The following SCLY variants were observed in gnomAD, a reference collection of about 807,000 sequenced individuals.
SCLY encodes the protein selenocysteine lyase, also known as putative selenocysteine lyase.
Under a neutral mutation model 50.1 loss-of-function variants are expected in SCLY, and 38 were observed. That is an observed-to-expected ratio of 0.76 (90% CI 0.59 to 0.99). The LOEUF (loss-of-function observed/expected upper bound fraction) is 0.99. Among genes scored for constraint, SCLY ranks in the 50% least tolerant of loss-of-function variants. The pLI, the probability that SCLY is intolerant of heterozygous loss-of-function variation, is 0.00. For missense variants in SCLY, 600 were observed against 620.0 expected (o/e 0.97, Z 0.34); for synonymous variants, 243 against 249.4 (o/e 0.97, Z 0.24).
chr2:238,097,463 G>A (rs193003509), intron 11 of SCLY, among the ~76,000 whole-genome samples: 150 of 152,274 alleles, frequency 9.9e-4, no homozygotes, highest in Admixed American at 1.8e-3. Flanking sequence ...GGTCGGAGTG[G>A]ACGCAGGAGG....
chr2:238,097,899 C>A (rs1191214172), intron 11 of SCLY, among the ~76,000 whole-genome samples: 2 of 152,100 alleles, frequency 1.3e-5, no homozygotes, highest in Non-Finnish European at 2.9e-5. Context: ...GACCTCAGAC[C>A]CCTCAAGGAC....
chr2:238,098,640 C>CCCACATGGGACCGTCCACATAGGACCGT lies in SCLY; in HGVS notation c.*298_*299insTCCACATAGGACCGTCCACATGGGACCG. ...ACATGGGACCGCCCACATGGGACCG[C>CCCACATGGGACCGTCCACATAGGACCGT]CCACATGGGACCGCCCACATAGAAC... On this transcript the variant is annotated 3_prime_UTR_variant, in exon 12 of 12. Transcript: ENST00000254663. 3 of 347,352 alleles carry CCCACATGGGACCGTCCACATAGGACCGT rather than the reference C, an allele frequency of 8.6e-6. No homozygotes were observed. Among genetic ancestry groups the CCCACATGGGACCGTCCACATAGGACCGT allele is most frequent in the Non-Finnish European group, 1.0e-5 (2 of 197,336 alleles). 21.5% of individuals were successfully genotyped at this position (347,352 alleles called of 1,614,324 possible).
chr2:238,086,359 G>T (rs1194238738), intron 7 of SCLY, among the ~76,000 whole-genome samples: 1 of 152,150 alleles, frequency 6.6e-6, no homozygotes, highest in Non-Finnish European at 1.5e-5. Flanking sequence ...TTATAGAAAG[G>T]CAAAGGTAAA....
At position 238,098,556 on chromosome 2, in the gene SCLY, G is replaced by A. The variant is rs1691300251; in HGVS notation, c.*201G>A. On this transcript the variant is annotated 3_prime_UTR_variant, in exon 12 of 12. Coordinates refer to ENST00000254663, the MANE Select transcript of SCLY (RefSeq NM_016510.7). ...AGCTCACAGGGCCCAGGACACCAAC[G>A]CCGCATAGGACTGCCCACATGGGAC... 4.6e-6 allele frequency: 2 copies of A among 438,642 alleles called. No individual in the cohort carries two copies. The highest frequency in any genetic ancestry group is 1.6e-4 in the African/African-American group (2 of 12,360). The allele number at this position is 438,642 out of a possible 1,614,324, so 27.2% of individuals were successfully genotyped here.
At chr2:238,083,000 C>T (rs747366975) in intron 6 of SCLY, 7 of 554,642 alleles carry the variant, frequency 1.3e-5, no homozygotes, top group Non-Finnish European at 2.4e-5. Context: ...CAGGGGAGAG[C>T]TGCCTGCCAC....
At chr2:238,097,366 C>T (rs201119106) in intron 11 of SCLY, among the ~76,000 whole-genome samples, 20 of 118,130 alleles carry the variant, frequency 1.7e-4, no homozygotes, top group African/African-American at 5.7e-4. Flanking sequence ...GGGTAGAGGG[C>T]GTGGGGTGCC....
intron 2 of SCLY, among the ~76,000 whole-genome samples, chr2:238,065,875 A>G (rs1007855932): frequency 6.6e-6 from 1 of 151,924 alleles, no homozygotes; most frequent in Non-Finnish European, 1.5e-5. Flanking sequence ...GGGTTTCACC[A>G]TCTTGGCCAG....
rs1253565117 is a variant in SCLY at position 238,098,743 on chromosome 2, GC to G, written c.*391del. ...GGAACTGGGCACGCCTGTTGTGAGT[GC>G]CCTTTCCTGGAAGGTGTTTTTATCT... On this transcript the variant is annotated 3_prime_UTR_variant, in exon 12 of 12. Transcript: ENST00000254663. 6.1e-6 allele frequency: 2 copies of G among 327,620 alleles called. No homozygotes were observed. Among genetic ancestry groups the G allele is most frequent in the African/African-American group, 4.5e-5 (2 of 43,984 alleles). 20.3% of individuals were successfully genotyped at this position (327,620 alleles called of 1,614,324 possible). A position where few individuals can be genotyped will look rare whatever the true frequency, so the allele number is the denominator to read the frequency against.
intron 11 of SCLY, among the ~76,000 whole-genome samples, chr2:238,097,148 G>A (rs957865703): frequency 4.1e-4 from 62 of 150,872 alleles, no homozygotes; most frequent in Middle Eastern, 3.4e-3. Flanking sequence ...CAGCGTGGCC[G>A]GGGCTGGGGA....
chr2:238,064,877 C>T (rs1049514134), intron 2 of SCLY: 2 of 152,428 alleles, frequency 1.3e-5, no homozygotes, highest in Non-Finnish European at 2.9e-5. Flanking sequence ...ATGAAAATTA[C>T]TTTTTCATTA....
In SCLY at chr2:238,083,103, G is replaced by A; in HGVS notation, c.778-145G>A. The A allele has an allele frequency of 2.8e-6, 2 of 725,602 alleles. No homozygotes were observed. The highest frequency in any genetic ancestry group is 2.9e-5 in the South Asian group (2 of 68,408). The allele number at this position is 725,602 out of a possible 1,614,324, so 44.9% of individuals were successfully genotyped here. On this transcript the variant is annotated intron_variant, in intron 6 of 11. Transcript: ENST00000254663. This position sits in a 1 kb window ranked among gnomAD's most constrained non-coding sequence, Gnocchi z 4.3. ...CTTTTGTGACTCTGCGTGTCAAAAG[G>A]GGTGGCACTCAGAGGCGCCACAAGG...
intron 4 of SCLY, among the ~76,000 whole-genome samples, chr2:238,076,727 A>T (rs1237990624): frequency 7.5e-6 from 1 of 132,770 alleles, no homozygotes; most frequent in Non-Finnish European, 1.6e-5. Flanking sequence ...TAAATTAAAA[A>T]AAAAAAAAAA....
intron 4 of SCLY, among the ~76,000 whole-genome samples, chr2:238,075,687 C>CT (rs967969112): frequency 1.3e-5 from 2 of 152,018 alleles, no homozygotes; most frequent in Admixed American, 6.6e-5. Context: ...CTCTGGTAAT[C>CT]TTTTTTTATT....
intron 4 of SCLY, among the ~76,000 whole-genome samples, chr2:238,076,008 G>T (rs1366439497): frequency 6.7e-6 from 1 of 149,858 alleles, no homozygotes; most frequent in Non-Finnish European, 1.5e-5. Flanking sequence ...GGCATAAATG[G>T]GTTCTTTCTT....
intron 7 of SCLY, 106 bp from the exon 8 acceptor site, chr2:238,091,112 A>G: frequency 9.4e-7 from 1 of 1,062,252 alleles, no homozygotes; most frequent in South Asian, 1.3e-5. Flanking sequence ...TGCTTAGGAA[A>G]GATGTAGCGT....
chr2:238,094,546 T>C, intron 10 of SCLY, 24 bp downstream of exon 10: 1 of 1,581,252 alleles, frequency 6.3e-7, no homozygotes, highest in Non-Finnish European at 8.7e-7. Context: ...ACCCTGGTCT[T>C]TCCGAGTGTG....
intron 4 of SCLY, among the ~76,000 whole-genome samples, chr2:238,071,821 C>G (rs949901908): frequency 2.6e-5 from 4 of 152,188 alleles, no homozygotes; most frequent in Non-Finnish European, 5.9e-5. Context: ...CCTTCATAAG[C>G]CTTCCTCGCA....
intron 7 of SCLY, among the ~76,000 whole-genome samples, chr2:238,090,099 G>A (rs1385296042): frequency 3.3e-5 from 5 of 152,104 alleles, no homozygotes; most frequent in African/African-American, 1.2e-4. Context: ...AATTCAATCT[G>A]AAAATAGGGA....
At position 238,082,031 on chromosome 2, in the gene SCLY, C is replaced by G. The variant is rs777548438; in HGVS notation, c.613-14C>G. ...ATCGGAGCAACATACTCAACTGTTT[C>G]CTTTCCCCGTCAGCCTGTCCCTGAA... On this transcript the variant is annotated splice_polypyrimidine_tract_variant and intron_variant, in intron 5 of 11. Transcript: ENST00000254663. The G allele has an allele frequency of 7.5e-6, 12 of 1,608,142 alleles. No homozygotes were observed. The Admixed American group carries it at 1.3e-4, about 18-fold the overall frequency.
Sources: gnomAD v4.1 joint callset for allele counts (sites outside exome capture counted in the v4.1 genomes callset) on GRCh38, gnomAD v4.1.1 for gene constraint, Gnocchi (gnomAD v3.1) non-coding constraint, MANE v1.5 for transcripts, NCBI Gene and HGNC (gene_info 2026-07-23, HGNC 2026-07-21) for gene names.